The following NR2C2 variants were observed in gnomAD, a reference collection of about 807,000 sequenced individuals.
NR2C2 encodes Nuclear hormone receptor TR4.
NR2C2 carries 6 observed loss-of-function variants against 62.9 expected under a neutral mutation model. The ratio of observed to expected loss-of-function variants is 0.10; its 90% confidence interval spans 0.05 to 0.19. The LOEUF (loss-of-function observed/expected upper bound fraction) is 0.19, where lower values mean the gene tolerates loss of function less well. NR2C2 is among the 10% of genes least tolerant of loss of function. The probability of loss-of-function intolerance (pLI) is 1.00; values close to 1 mark genes in which losing one functional copy is unlikely to be tolerated. For synonymous variants in NR2C2, 272 were observed against 273.8 expected, an observed-to-expected ratio of 0.99 and a Z score of 0.07; for missense variants, 479 against 762.7, an observed-to-expected ratio of 0.63 and a Z score of 4.38.
At chr3:15,007,181 G>A (rs1166904037) in intron 2 of NR2C2, among the ~76,000 whole-genome samples, 1 of 145,218 alleles carries the variant, frequency 6.9e-6, no homozygotes, top group Non-Finnish European at 1.5e-5. Flanking sequence ...AGGCTGGAGT[G>A]TAGTGGCGCG....
chr3:15,020,260 C>T (rs895460959), intron 4 of NR2C2, among the ~76,000 whole-genome samples: 1 of 152,228 alleles, frequency 6.6e-6, no homozygotes, highest in East Asian at 1.9e-4. Context: ...GGGCCCAGGA[C>T]GTGAATCAGA....
Position 15,044,416 on chromosome 3 carries a change from C to T in NR2C2, c.*1408C>T, listed in dbSNP as rs2042379656. 3 of 152,152 alleles carry T rather than the reference C, an allele frequency of 2.0e-5. No individual in the cohort carries two copies. Among genetic ancestry groups the T allele is most frequent in the South Asian group, 4.1e-4 (2 of 4,834 alleles). The allele number at this position is 152,152 out of a possible 1,614,324, so 9.4% of individuals were successfully genotyped here. On this transcript the variant is annotated 3_prime_UTR_variant, in exon 14 of 14. Transcript: ENST00000425241. ...TTTCCAGGGTGATAGTCTTTCTCCT[C>T]ATAAATTGTAGCAACCAGAGTTTAC...
intron 4 of NR2C2, among the ~76,000 whole-genome samples, chr3:15,016,547 A>G (rs1277025627): frequency 1.3e-5 from 2 of 152,254 alleles, no homozygotes; most frequent in Non-Finnish European, 2.9e-5. Context: ...TCTTGTTAAC[A>G]TTTGTACAGC....
At chr3:15,021,978 G>A (rs1289189990) in intron 5 of NR2C2, among the ~76,000 whole-genome samples, 1 of 152,176 alleles carries the variant, frequency 6.6e-6, no homozygotes, top group Admixed American at 6.5e-5. Context: ...CACTGACTTG[G>A]TGTGGGACTG....
At chr3:15,016,531 G>T (rs2041515815) in intron 4 of NR2C2, among the ~76,000 whole-genome samples, 1 of 152,190 alleles carries the variant, frequency 6.6e-6, no homozygotes, top group African/African-American at 2.4e-5. Flanking sequence ...AGTACTCATT[G>T]TCTAATCTTG....
chr3:15,044,394 C>G lies in NR2C2; in HGVS notation c.*1386C>G, dbSNP rs1156414235. On this transcript the variant is annotated 3_prime_UTR_variant, in exon 14 of 14. Coordinates refer to ENST00000425241, the MANE Select transcript of NR2C2 (RefSeq NM_001291694.2). ...GCTCCTTAAAAACAACCCTCAATTT[C>G]CAGGGTGATAGTCTTTCTCCTCATA... 1 of 152,162 alleles carries G rather than the reference C, an allele frequency of 6.6e-6. No homozygotes were observed. The highest frequency in any genetic ancestry group is 1.5e-5 in the Non-Finnish European group (1 of 68,028). 9.4% of individuals were successfully genotyped at this position (152,162 alleles called of 1,614,324 possible).
At position 15,048,939 on chromosome 3, in the gene NR2C2, T is replaced by G. The variant is rs1357233575; in HGVS notation, c.*5931T>G. 1 of 152,674 alleles carries G rather than the reference T, an allele frequency of 6.5e-6. No individual in the cohort carries two copies. Among genetic ancestry groups the G allele is most frequent in the African/African-American group, 2.4e-5 (1 of 41,466 alleles). 9.5% of individuals were successfully genotyped at this position (152,674 alleles called of 1,614,324 possible). On this transcript the variant is annotated 3_prime_UTR_variant, in exon 14 of 14. Transcript: ENST00000425241. ...TCTGTAACCTTTGCCCTTCACAATA[T>G]AGAAAATATTGGTTTTGCCATTACA... is the stretch of plus-strand genomic sequence containing the variant.
At chr3:15,031,283 CACTT>C (rs1330386439) in intron 9 of NR2C2, among the ~76,000 whole-genome samples, 2 of 152,164 alleles carry the variant, frequency 1.3e-5, no homozygotes, top group East Asian at 3.8e-4. Context: ...TCACTGGTCT[CACTT>C]TTTCTACAGG....
chr3:15,032,664 A>G (rs2042010522), intron 10 of NR2C2, among the ~76,000 whole-genome samples, 164 bp downstream of exon 10: 1 of 152,170 alleles, frequency 6.6e-6, no homozygotes, highest in African/African-American at 2.4e-5. Flanking sequence ...TGGTAGCAGG[A>G]TTACCAGTTG....
chr3:15,021,267 C>T (rs1214219120), intron 5 of NR2C2, among the ~76,000 whole-genome samples: 1 of 152,168 alleles, frequency 6.6e-6, no homozygotes, highest in Non-Finnish European at 1.5e-5. Context: ...TGAGGATACA[C>T]GTAGCCTCTC....
Position 15,013,804 on chromosome 3 carries a change from C to T in NR2C2, c.273+15C>T, listed in dbSNP as rs1260144956. ...GCAGGATCCAGGTAAGGCCTTTGGA[C>T]AGGTATTTGTTTCAGCACTTCTGCT... On this transcript the variant is annotated intron_variant, in intron 3 of 13. Transcript: ENST00000425241. 1 of 1,613,446 alleles carries T rather than the reference C, an allele frequency of 6.2e-7. No individual in the cohort carries two copies.
chr3:14,948,573 A>C (rs1574909375), intron 1 of NR2C2: 2 of 11,888 alleles, frequency 1.7e-4, no homozygotes, highest in African/African-American at 7.8e-4. Context: ...CGGGGCGAAG[A>C]GTGGGGCCGG....
chr3:14,968,591 T>C (rs1287189784), intron 1 of NR2C2, among the ~76,000 whole-genome samples: 11 of 149,004 alleles, frequency 7.4e-5, no homozygotes, highest in African/African-American at 2.7e-4. Flanking sequence ...TCCTCAGGGA[T>C]CTAGAACTAG....
chr3:15,016,235 CTG>C lies in NR2C2; in HGVS notation c.360_361del (p.Cys120TrpfsTer15). On this transcript the variant is annotated frameshift_variant, in exon 4 of 14. Transcript: ENST00000425241. LOFTEE classifies it high-confidence loss of function. ...CCCAGGTGGTAGAGTACTGTGTGGT[CTG>C]TGGCGACAAAGCCTCCGGTATGTAG... Reference protein sequence around the residue: ...RPQVVEYCVVCGDKASGRHYG... With the variant: ...RPQVVEYCVVXGDKASGRHYG... 6.2e-7 allele frequency: 1 copy of C among 1,613,842 alleles called. No individual in the cohort carries two copies. The highest frequency in any genetic ancestry group is 8.5e-7 in the Non-Finnish European group (1 of 1,179,798).
intron 1 of NR2C2, among the ~76,000 whole-genome samples, chr3:14,974,859 C>T (rs1345257885): frequency 2.0e-5 from 3 of 152,194 alleles, no homozygotes; most frequent in African/African-American, 4.8e-5. Flanking sequence ...CCACCTTGGC[C>T]TCCCAAAGTG....
At chr3:14,968,879 G>T (rs1343180164) in intron 1 of NR2C2, among the ~76,000 whole-genome samples, 8 of 144,648 alleles carry the variant, frequency 5.5e-5, no homozygotes, top group African/African-American at 7.7e-5. Context: ...GTAAACTATC[G>T]CAAGAACAAA....
Position 15,046,153 on chromosome 3 carries a change from A to G in NR2C2, c.*3145A>G, listed in dbSNP as rs1231268493. The G allele has an allele frequency of 6.6e-6, 1 of 152,172 alleles. No individual in the cohort carries two copies. The highest frequency in any genetic ancestry group is 2.4e-5 in the African/African-American group (1 of 41,444). 9.4% of individuals were successfully genotyped at this position (152,172 alleles called of 1,614,324 possible). On this transcript the variant is annotated 3_prime_UTR_variant, in exon 14 of 14. Coordinates refer to ENST00000425241, the MANE Select transcript of NR2C2 (RefSeq NM_001291694.2). The stretch of plus-strand genomic sequence containing the variant: ...ACATTTCTGTGTCCTGAGGAGTTAC[A>G]TTTATTGTCTAACCCTTGCCATAAG...
intron 1 of NR2C2, among the ~76,000 whole-genome samples, chr3:14,950,765 G>A (rs1287954128): frequency 6.6e-6 from 1 of 152,178 alleles, no homozygotes. Context: ...CCAGCACTTA[G>A]AAGAGTGCCT....
rs770973628 is a variant in NR2C2 at position 15,023,225 on chromosome 3, C to T, written c.582C>T (p.Phe194=). ...MESVQSERKP[F]DVQREKPSNC... is the part of the protein sequence containing the mutation. Reference sequence around the variant, plus strand: ...CTGTGCAGAGTGAACGGAAGCCCTTCGATGTGCAACGGGAGAAACCAAGCA... The same window carrying T: ...CTGTGCAGAGTGAACGGAAGCCCTTTGATGTGCAACGGGAGAAACCAAGCA... The change falls in exon 6 of 14, where the codon TTC becomes TTT. Residue 194 remains phenylalanine (F), a synonymous_variant. Coordinates refer to ENST00000425241, the MANE Select transcript of NR2C2 (RefSeq NM_001291694.2). The T allele has an allele frequency of 4.6e-5, 75 of 1,614,068 alleles. No homozygotes were observed. The highest frequency in any genetic ancestry group is 3.3e-4 in the Middle Eastern group (2 of 6,084).
Sources: allele counts gnomAD v4.1 joint callset (sites outside exome capture counted in the v4.1 genomes callset), GRCh38; gene constraint gnomAD v4.1.1; transcripts MANE v1.5; gene names NCBI Gene and HGNC (gene_info 2026-07-23, HGNC 2026-07-21).